The following LUZP2 variants were observed in gnomAD, a reference collection of about 807,000 sequenced individuals.
The protein encoded by LUZP2 is leucine zipper protein 2.
LUZP2 carries 52 observed loss-of-function variants against 51.6 expected under a neutral mutation model. The observed-to-expected ratio is 1.01, with a 90% CI of 0.81 to 1.27. LUZP2 has a LOEUF of 1.27. LUZP2 is among the 50% of genes most tolerant of loss of function. The pLI is 0.00. For synonymous variants in LUZP2, 154 were observed against 137.3 expected (o/e 1.12, Z -0.85); for missense variants, 436 against 395.4 (o/e 1.10, Z -0.87).
chr11:24,614,741 C>A (rs1854233127), intron 1 of LUZP2, among the ~76,000 whole-genome samples: 1 of 152,000 alleles, frequency 6.6e-6, no homozygotes, highest in Non-Finnish European at 1.5e-5. Flanking sequence ...CATTACCTGA[C>A]CCACCTTAAA....
intron 5 of LUZP2, among the ~76,000 whole-genome samples, chr11:24,801,463 A>T (rs1179184041): frequency 6.6e-6 from 1 of 151,992 alleles, no homozygotes; most frequent in Non-Finnish European, 1.5e-5. Context: ...TATTTATATG[A>T]ATACTATAAT....
chr11:24,592,815 A>G (rs534422913), intron 1 of LUZP2, among the ~76,000 whole-genome samples: 7 of 152,358 alleles, frequency 4.6e-5, no homozygotes, highest in Non-Finnish European at 1.0e-4. Flanking sequence ...TTTAAAAGTC[A>G]GAGCCAAATA....
intron 1 of LUZP2, among the ~76,000 whole-genome samples, chr11:24,714,798 A>G (rs1217334452): frequency 6.6e-6 from 1 of 152,184 alleles, no homozygotes; most frequent in Non-Finnish European, 1.5e-5. Context: ...CCTGACTACT[A>G]GAGATGGAGT....
intron 7 of LUZP2, among the ~76,000 whole-genome samples, chr11:24,955,076 C>T (rs778451383): frequency 7.9e-5 from 12 of 151,920 alleles, no homozygotes; most frequent in Non-Finnish European, 1.2e-4. Flanking sequence ...AAAATATCTC[C>T]CTGGCAGCCT....
chr11:24,536,488 A>G (rs182320759), intron 1 of LUZP2, among the ~76,000 whole-genome samples: 1 of 151,908 alleles, frequency 6.6e-6, no homozygotes, highest in East Asian at 1.9e-4. Context: ...TTGCACTTTT[A>G]TGATATGGAG....
rs776739280 is a variant in LUZP2, at chr11:24,774,362, C to CTCTCTCTCTCTATA, written c.396+11055_396+11056insCTCTCTCTCTATAT. ...TCTCTCTCTCTCTCTCTCTCTCTCT[C>CTCTCTCTCTCTATA]TATATATATATATATATATACATAC... On this transcript the variant is annotated intron_variant, in intron 5 of 11. Transcript: ENST00000336930. Among the ~76,000 whole-genome samples the CTCTCTCTCTCTATA allele has an allele frequency of 5.5e-3, 418 of 76,188 alleles. 1 individual carries two copies. Among genetic ancestry groups the CTCTCTCTCTCTATA allele is most frequent in the Non-Finnish European group, 7.4e-3 (309 of 41,746 alleles). 50.0% of individuals were successfully genotyped at this position (76,188 alleles called of 152,430 possible).
intron 1 of LUZP2, among the ~76,000 whole-genome samples, chr11:24,510,568 C>G (rs1476911829): frequency 8.5e-5 from 13 of 152,124 alleles, no homozygotes; most frequent in Non-Finnish European, 2.9e-5. Flanking sequence ...GGCTGGTTCT[C>G]CATGGCCAGC....
chr11:25,016,364 CT>C (rs1857155996), intron 9 of LUZP2, among the ~76,000 whole-genome samples: 1 of 152,216 alleles, frequency 6.6e-6, no homozygotes, highest in East Asian at 1.9e-4. Context: ...CCTTTGTGTA[CT>C]CATAGATTAA....
intron 5 of LUZP2, among the ~76,000 whole-genome samples, chr11:24,890,688 A>G (rs1852822657): frequency 6.6e-6 from 1 of 152,136 alleles, no homozygotes; most frequent in Admixed American, 6.5e-5. Flanking sequence ...TGAGATAGTC[A>G]CACAATCTGG....
At chr11:24,595,088 T>A (rs1437978291) in intron 1 of LUZP2, among the ~76,000 whole-genome samples, 1 of 151,994 alleles carries the variant, frequency 6.6e-6, no homozygotes, top group Non-Finnish European at 1.5e-5. Flanking sequence ...TAGAAGATAT[T>A]TTTCAGGCCT....
intron 1 of LUZP2, among the ~76,000 whole-genome samples, chr11:24,697,194 A>G (rs1025765086): frequency 2.6e-5 from 4 of 152,186 alleles, no homozygotes; most frequent in African/African-American, 9.6e-5. Context: ...GAAAGAAATT[A>G]ACCAGGCTAC....
intron 1 of LUZP2, among the ~76,000 whole-genome samples, chr11:24,605,243 T>G (rs946648276): frequency 6.6e-6 from 1 of 151,856 alleles, no homozygotes; most frequent in African/African-American, 2.4e-5. Context: ...GATATTAATC[T>G]GAGCCATTTT....
intron 4 of LUZP2, among the ~76,000 whole-genome samples, chr11:24,761,707 T>A (rs1450573355): frequency 2.0e-5 from 3 of 152,158 alleles, no homozygotes; most frequent in Non-Finnish European, 4.4e-5. Flanking sequence ...ATTTAGTAAT[T>A]GTTTACTTTC....
intron 5 of LUZP2, among the ~76,000 whole-genome samples, chr11:24,844,900 A>G (rs984071493): frequency 3.3e-5 from 5 of 152,202 alleles, no homozygotes; most frequent in African/African-American, 1.2e-4. Context: ...GATGTATGGA[A>G]ATGTCTGTAT....
At chr11:24,575,766 A>G (rs996164787) in intron 1 of LUZP2, among the ~76,000 whole-genome samples, 2 of 152,076 alleles carry the variant, frequency 1.3e-5, no homozygotes, top group African/African-American at 4.8e-5. Context: ...ACCATATTCC[A>G]TGCTTCTAAT....
intron 1 of LUZP2, among the ~76,000 whole-genome samples, chr11:24,648,880 T>C (rs926783347): frequency 6.6e-6 from 1 of 152,020 alleles, no homozygotes; most frequent in Non-Finnish European, 1.5e-5. Context: ...AACCCGCAAT[T>C]ACTTTGGAAC....
intron 1 of LUZP2, among the ~76,000 whole-genome samples, chr11:24,679,188 T>C (rs1486921589): frequency 6.6e-6 from 1 of 152,198 alleles, no homozygotes; most frequent in Non-Finnish European, 1.5e-5. Flanking sequence ...GTCAAATAGA[T>C]AAGAGCTCAT....
At chr11:24,905,342 T>G (rs1023810604) in intron 5 of LUZP2, among the ~76,000 whole-genome samples, 1 of 152,050 alleles carries the variant, frequency 6.6e-6, no homozygotes, top group Non-Finnish European at 1.5e-5. Flanking sequence ...CTGGCCAACA[T>G]GGCGAAACCT....
intron 9 of LUZP2, among the ~76,000 whole-genome samples, chr11:24,997,465 T>A (rs1353589571): frequency 1.3e-5 from 2 of 152,178 alleles, no homozygotes; most frequent in Non-Finnish European, 2.9e-5. Context: ...TTGATGGGGT[T>A]GTTTGTCTTT....
Sources: gnomAD v4.1 joint callset for allele counts (sites outside exome capture counted in the v4.1 genomes callset) on GRCh38, gnomAD v4.1.1 for gene constraint, MANE v1.5 for transcripts, NCBI Gene and HGNC (gene_info 2026-07-23, HGNC 2026-07-21) for gene names.